DSCAM: variants seen among roughly 807,000 people sequenced by gnomAD.
The protein encoded by DSCAM is cell adhesion molecule DSCAM.
In DSCAM, 47 loss-of-function variants were observed where a neutral mutation model predicts 217.7. The ratio of observed to expected loss-of-function variants is 0.22; its 90% confidence interval spans 0.17 to 0.28. The LOEUF (loss-of-function observed/expected upper bound fraction) is 0.28. DSCAM is among the 10% of genes least tolerant of loss of function. The pLI, the probability that DSCAM is intolerant of heterozygous loss-of-function variation, is 1.00. For synonymous variants in DSCAM, 1,056 were observed against 1,015.3 expected (o/e 1.04, Z -0.76); for missense variants, 2,080 against 2,618.3 (o/e 0.79, Z 4.49).
intron 9 of DSCAM, among the ~76,000 whole-genome samples, chr21:40,310,405 T>C (rs2074124895): frequency 1.3e-5 from 2 of 152,228 alleles, no homozygotes; most frequent in Admixed American, 1.3e-4. Context: ...CACTGACCTG[T>C]TTGTGAAGCA....
chr21:40,646,742 C>G (rs77058997), intron 3 of DSCAM, among the ~76,000 whole-genome samples: 2 of 152,178 alleles, frequency 1.3e-5, no homozygotes, highest in African/African-American at 4.8e-5. Context: ...GGCTGACTGG[C>G]CTTGCTCAGC....
At chr21:40,280,132 TA>T (rs540196445) in intron 10 of DSCAM, among the ~76,000 whole-genome samples, 21 of 143,140 alleles carry the variant, frequency 1.5e-4, no homozygotes, top group South Asian at 4.5e-4. Flanking sequence ...GTATAATAAT[TA>T]AAAAAAAAAC....
rs535754063 is a variant in DSCAM at position 40,105,593 on chromosome 21, G to A, written c.3697-11719C>T. On this transcript the variant is annotated intron_variant, in intron 20 of 32. Coordinates refer to ENST00000400454, the MANE Select transcript of DSCAM (RefSeq NM_001389.5). ...CCACCATGATTGTAAGTTTCCTAAG[G>A]CCTCCCCAGCCATGCTGAACTGTAA... is the stretch of plus-strand genomic sequence containing the variant. Among the ~76,000 whole-genome samples, 21 of 152,228 alleles carry A rather than the reference G, an allele frequency of 1.4e-4. No homozygotes were observed. The East Asian group carries it at 3.9e-3, about 28-fold the overall frequency.
intron 3 of DSCAM, among the ~76,000 whole-genome samples, chr21:40,523,914 T>C (rs1213467113): frequency 6.6e-6 from 1 of 151,940 alleles, no homozygotes; most frequent in Non-Finnish European, 1.5e-5. Context: ...CTCCTGAAAG[T>C]TTGAGCAGTG....
chr21:40,713,272 T>C (rs971654254), intron 1 of DSCAM, among the ~76,000 whole-genome samples: 2 of 152,168 alleles, frequency 1.3e-5, no homozygotes, highest in Non-Finnish European at 2.9e-5. Flanking sequence ...ATGGAAATGT[T>C]ACCAGGGCCA....
intron 3 of DSCAM, among the ~76,000 whole-genome samples, chr21:40,680,020 G>T (rs60738883): frequency 0.35 from 52,664 of 151,982 alleles, 9,578 homozygotes; most frequent in Non-Finnish European, 0.41. Flanking sequence ...ATAATAATAA[G>T]AAGAAGAAGG....
intron 3 of DSCAM, among the ~76,000 whole-genome samples, chr21:40,423,559 AAGTTGCCTGCTTC>A (rs2075444804): frequency 1.3e-5 from 2 of 152,198 alleles, no homozygotes; most frequent in African/African-American, 4.8e-5. Flanking sequence ...CTTGTCCTTC[AAGTTGCCTGCTTC>A]AGTCTCTTCC....
chr21:40,413,730 G>A (rs1043864415), intron 3 of DSCAM, among the ~76,000 whole-genome samples: 5 of 152,170 alleles, frequency 3.3e-5, no homozygotes, highest in Non-Finnish European at 7.3e-5. Context: ...ACCTAATCAA[G>A]ACAGTATATT....
At chr21:40,301,925 T>G (rs1344602301) in intron 9 of DSCAM, among the ~76,000 whole-genome samples, 1 of 152,058 alleles carries the variant, frequency 6.6e-6, no homozygotes, top group African/African-American at 2.4e-5. Context: ...GACAGCCTCA[T>G]AGGAGGACTC....
chr21:40,449,512 A>G (rs989646407), intron 3 of DSCAM, among the ~76,000 whole-genome samples: 1 of 152,210 alleles, frequency 6.6e-6, no homozygotes, highest in Non-Finnish European at 1.5e-5. Flanking sequence ...AAATCAAAAT[A>G]AACTTGTACC....
chr21:40,039,947 A>C (rs1168453901), intron 32 of DSCAM, among the ~76,000 whole-genome samples: 1 of 152,264 alleles, frequency 6.6e-6, no homozygotes, highest in African/African-American at 2.4e-5. Flanking sequence ...TCTAGCGTGA[A>C]GAGGGCATAT....
chr21:40,430,864 T>C (rs1235699724), intron 3 of DSCAM, among the ~76,000 whole-genome samples: 2 of 152,196 alleles, frequency 1.3e-5, no homozygotes, highest in African/African-American at 2.4e-5. Flanking sequence ...ACACAGCACG[T>C]GCTTCACACA....
chr21:40,487,457 G>T (rs1420180875), intron 3 of DSCAM, among the ~76,000 whole-genome samples: 1 of 152,068 alleles, frequency 6.6e-6, no homozygotes, highest in African/African-American at 2.4e-5. Context: ...CTTGGGTGTT[G>T]CATGAGGTGA....
chr21:40,089,389 C>T (rs1438489140), intron 21 of DSCAM, among the ~76,000 whole-genome samples: 1 of 152,202 alleles, frequency 6.6e-6, no homozygotes, highest in Non-Finnish European at 1.5e-5. Context: ...TGATGAGAAA[C>T]TGAACCCCTC....
At chr21:40,528,163 G>A (rs1037166308) in intron 3 of DSCAM, among the ~76,000 whole-genome samples, 1 of 152,106 alleles carries the variant, frequency 6.6e-6, no homozygotes, top group Non-Finnish European at 1.5e-5. Context: ...CATGACATAA[G>A]CACAGCCATA....
At position 40,771,221 on chromosome 21, in the gene DSCAM, A is replaced by T. The variant is rs1239189726; in HGVS notation, c.44-62450T>A. On this transcript the variant is annotated intron_variant, in intron 1 of 32. Coordinates refer to ENST00000400454, the MANE Select transcript of DSCAM (RefSeq NM_001389.5). Reference sequence around the variant, plus strand: ...GGGCACGAGCTTTCATTAGCATAGAACCATGCTGCCCATTTTACCAGGTAT... The same window carrying T: ...GGGCACGAGCTTTCATTAGCATAGATCCATGCTGCCCATTTTACCAGGTAT... Among the ~76,000 whole-genome samples, 5 of 152,176 alleles carry T rather than the reference A, an allele frequency of 3.3e-5. No individual in the cohort carries two copies. The East Asian group carries it at 9.7e-4, about 30-fold the overall frequency.
At chr21:40,093,341 A>C (rs985695264) in intron 21 of DSCAM, among the ~76,000 whole-genome samples, 4 of 152,208 alleles carry the variant, frequency 2.6e-5, no homozygotes, top group Admixed American at 2.0e-4. Context: ...TAAGCTTGCA[A>C]ATTCCATAGA....
intron 3 of DSCAM, among the ~76,000 whole-genome samples, chr21:40,372,154 G>A (rs2074905245): frequency 6.6e-6 from 1 of 152,118 alleles, no homozygotes; most frequent in African/African-American, 2.4e-5. Flanking sequence ...TCAGCCCTGT[G>A]GTAACAAGGA....
At chr21:40,834,993 G>T (rs974334571) in intron 1 of DSCAM, among the ~76,000 whole-genome samples, 1 of 152,166 alleles carries the variant, frequency 6.6e-6, no homozygotes, top group Non-Finnish European at 1.5e-5. Flanking sequence ...CACCAGTCAG[G>T]CTGGACCTAA....
Sources: allele counts gnomAD v4.1 joint callset (sites outside exome capture counted in the v4.1 genomes callset), GRCh38; gene constraint gnomAD v4.1.1; transcripts MANE v1.5; gene names NCBI Gene and HGNC (gene_info 2026-07-23, HGNC 2026-07-21).